The following HTR7 variants were observed in gnomAD, a reference collection of about 807,000 sequenced individuals.
HTR7 encodes the protein 5-hydroxytryptamine receptor 7.
HTR7 carries 16 observed loss-of-function variants against 34.0 expected under a neutral mutation model. That is an observed-to-expected ratio of 0.47 (90% confidence interval 0.32 to 0.71). HTR7 has a LOEUF of 0.71. Among genes scored for constraint, HTR7 ranks in the 30% least tolerant of loss-of-function variants. HTR7 has a pLI of 0.04. For synonymous variants in HTR7, 265 were observed against 260.2 expected (o/e 1.02, Z -0.18); for missense variants, 504 against 625.5 (o/e 0.81, Z 2.07).
chr10:90,819,320 A>G (rs1362279258), intron 1 of HTR7, among the ~76,000 whole-genome samples: 2 of 152,148 alleles, frequency 1.3e-5, no homozygotes, highest in African/African-American at 4.8e-5. Flanking sequence ...GAAGCTGCTA[A>G]ACAATAAAAA....
At chr10:90,824,993 C>A (rs1216984834) in intron 1 of HTR7, among the ~76,000 whole-genome samples, 1 of 152,212 alleles carries the variant, frequency 6.6e-6, no homozygotes, top group Non-Finnish European at 1.5e-5. Context: ...TGAATACAGG[C>A]AGTAGCCAGG....
chr10:90,804,302 C>T (rs1221138239), intron 1 of HTR7, among the ~76,000 whole-genome samples: 1 of 152,188 alleles, frequency 6.6e-6, no homozygotes, highest in African/African-American at 2.4e-5. Context: ...TTCCTGGACA[C>T]CAGACAAGAA....
intron 1 of HTR7, among the ~76,000 whole-genome samples, chr10:90,849,939 C>T (rs796257182): frequency 3.3e-5 from 5 of 152,324 alleles, no homozygotes; most frequent in African/African-American, 1.2e-4. Context: ...GGGAGGCAAG[C>T]CAATATTGTG....
chr10:90,822,368 G>A (rs893896948), intron 1 of HTR7, among the ~76,000 whole-genome samples: 2 of 152,216 alleles, frequency 1.3e-5, no homozygotes, highest in South Asian at 2.1e-4. Flanking sequence ...CTGCCCTAGA[G>A]ATCTGTGGAA....
At chr10:90,844,620 G>A (rs1172053952) in intron 1 of HTR7, among the ~76,000 whole-genome samples, 6 of 150,310 alleles carry the variant, frequency 4.0e-5, no homozygotes, top group African/African-American at 9.8e-5. Flanking sequence ...CCAGCTACTC[G>A]GGAGGCTGAG....
chr10:90,801,400 C>T (rs1041706547), intron 1 of HTR7, among the ~76,000 whole-genome samples: 4 of 152,196 alleles, frequency 2.6e-5, no homozygotes, highest in Admixed American at 6.5e-5. Context: ...CAAGCTCCAA[C>T]CCCGGAAACA....
chr10:90,774,114 TA>T (rs199867887), intron 1 of HTR7, among the ~76,000 whole-genome samples: 77 of 146,886 alleles, frequency 5.2e-4, no homozygotes, highest in African/African-American at 1.5e-3. Context: ...GCTCACTGAA[TA>T]AAAAAAAAAG....
At chr10:90,814,858 A>G (rs1292130881) in intron 1 of HTR7, among the ~76,000 whole-genome samples, 2 of 152,216 alleles carry the variant, frequency 1.3e-5, no homozygotes, top group South Asian at 4.1e-4. Context: ...TTTTTTTAAA[A>G]AGTCAAAAGA....
At chr10:90,851,278 T>C (rs1846494605) in intron 1 of HTR7, among the ~76,000 whole-genome samples, 1 of 151,840 alleles carries the variant, frequency 6.6e-6, no homozygotes, top group South Asian at 2.1e-4. Flanking sequence ...AAACTAGAAA[T>C]ATAAAATTCC....
chr10:90,748,799 G>A (rs774894943), intron 2 of HTR7, 40 bp downstream of exon 2: 17 of 1,566,990 alleles, frequency 1.1e-5, no homozygotes, highest in Non-Finnish European at 1.5e-5. Flanking sequence ...GCATAAAAGG[G>A]TTTGGGGGAT....
At chr10:90,825,048 A>T (rs1462206523) in intron 1 of HTR7, among the ~76,000 whole-genome samples, 1 of 152,234 alleles carries the variant, frequency 6.6e-6, no homozygotes, top group Non-Finnish European at 1.5e-5. Context: ...GTTTTGACCC[A>T]GGGCAGTCCC....
At chr10:90,801,631 G>A (rs1564686986) in intron 1 of HTR7, among the ~76,000 whole-genome samples, 1 of 152,286 alleles carries the variant, frequency 6.6e-6, no homozygotes, top group South Asian at 2.1e-4. Context: ...ACTTCAGAGG[G>A]TCAAGGGGAA....
In HTR7 at chr10:90,857,114, G is replaced by A. The variant is rs1236374683; in HGVS notation, c.539+19C>T. 1.5e-5 allele frequency: 23 copies of A among 1,525,210 alleles called. No homozygotes were observed. Among genetic ancestry groups the A allele is most frequent in the Non-Finnish European group, 1.9e-5 (21 of 1,132,330 alleles). 94.5% of individuals were successfully genotyped at this position (1,525,210 alleles called of 1,614,324 possible). A position where few individuals can be genotyped will look rare whatever the true frequency, so the allele number is the denominator to read the frequency against. ...CCGGTCCCCAGCCGGAGCCTGGGAC[G>A]GGGCGGTCCGGCCCTTACCTGTCAA... On this transcript the variant is annotated intron_variant, in intron 1 of 3. Coordinates refer to ENST00000336152, the MANE Select transcript of HTR7 (RefSeq NM_019859.4). This position sits in a 1 kb window ranked among gnomAD's most constrained non-coding sequence, Gnocchi z 6.5.
chr10:90,803,877 T>C (rs1845666024), intron 1 of HTR7, among the ~76,000 whole-genome samples: 1 of 152,178 alleles, frequency 6.6e-6, no homozygotes, highest in Non-Finnish European at 1.5e-5. Context: ...GGGTTCCACC[T>C]GCAAGCCTGT....
At chr10:90,743,996 C>T in intron 2 of HTR7, 1 of 533,886 alleles carries the variant, frequency 1.9e-6, no homozygotes, top group South Asian at 1.6e-5. Context: ...GGAGTAGGAA[C>T]AGTCTTACAG....
Position 90,749,725 on chromosome 10 carries a change from T to C in HTR7, c.540-131A>G. Reference sequence around the variant, plus strand: ...CTAGGTAGGCATCATTACTCCCATTTTGCAGAAAGGTAAACTAAGGCTCTG... The same window carrying C: ...CTAGGTAGGCATCATTACTCCCATTCTGCAGAAAGGTAAACTAAGGCTCTG... On this transcript the variant is annotated intron_variant, in intron 1 of 3. Coordinates refer to ENST00000336152, the MANE Select transcript of HTR7 (RefSeq NM_019859.4). This position sits in a 1 kb window ranked among gnomAD's most constrained non-coding sequence, Gnocchi z 4.2. 1 of 790,216 alleles carries C rather than the reference T, an allele frequency of 1.3e-6. No homozygotes were observed. Among genetic ancestry groups the C allele is most frequent in the East Asian group, 2.5e-5 (1 of 39,404 alleles). 49.0% of individuals were successfully genotyped at this position (790,216 alleles called of 1,614,324 possible).
intron 1 of HTR7, among the ~76,000 whole-genome samples, chr10:90,820,645 T>C (rs1564693393): frequency 6.6e-6 from 1 of 152,180 alleles, no homozygotes. Flanking sequence ...ACAGTCCCAC[T>C]GAGTCTGTCC....
chr10:90,743,841 T>C, intron 2 of HTR7, 151 bp from the exon 3 acceptor site: 1 of 743,918 alleles, frequency 1.3e-6, no homozygotes, highest in South Asian at 1.5e-5. Context: ...TAGCAGTAAA[T>C]TAAAATTACC....
intron 1 of HTR7, among the ~76,000 whole-genome samples, chr10:90,848,634 A>G (rs959070997): frequency 6.6e-6 from 1 of 152,246 alleles, no homozygotes; most frequent in Non-Finnish European, 1.5e-5. Flanking sequence ...ATCGACCATA[A>G]GTTGATCACT....
Sources: gnomAD v4.1 joint callset for allele counts (sites outside exome capture counted in the v4.1 genomes callset) on GRCh38, gnomAD v4.1.1 for gene constraint, Gnocchi (gnomAD v3.1) non-coding constraint, MANE v1.5 for transcripts, NCBI Gene and HGNC (gene_info 2026-07-23, HGNC 2026-07-21) for gene names.